TMEM43: variants seen among roughly 807,000 people sequenced by gnomAD.
TMEM43 encodes the protein arrhythmogenic right ventricular dysplasia 5.
Under a neutral mutation model 49.6 loss-of-function variants are expected in TMEM43, and 45 were observed. The observed-to-expected ratio is 0.91, with a 90% confidence interval of 0.71 to 1.16. The LOEUF (loss-of-function observed/expected upper bound fraction) is 1.16, where lower values mean the gene tolerates loss of function less well. Among genes scored for constraint, TMEM43 ranks in the 50% most tolerant of loss-of-function variants. The pLI is 0.00. For missense variants in TMEM43, 532 were observed against 516.6 expected, an observed-to-expected ratio of 1.03 and a Z score of -0.29; for synonymous variants, 199 against 207.8, an observed-to-expected ratio of 0.96 and a Z score of 0.36.
At chr3:14,129,140 G>T (rs1695058399) in intron 1 of TMEM43, 4 of 395,778 alleles carry the variant, frequency 1.0e-5, no homozygotes, top group Admixed American at 3.7e-5. Context: ...CCTCTGGTTG[G>T]TGGAGAGGGG....
In TMEM43 at chr3:14,131,704, G is replaced by A. The variant is rs372312945; in HGVS notation, c.392+30G>A. 34 of 1,534,558 alleles carry A rather than the reference G, an allele frequency of 2.2e-5. No individual in the cohort carries two copies. The African/African-American group carries it at 3.3e-4, about 15-fold the overall frequency. The stretch of plus-strand genomic sequence containing the variant: ...GCTGTTGGGGTGAAAACTCTGTTGG[G>A]GTAAAGGAGGAGTGAAGTGTAGGTG... On this transcript the variant is annotated intron_variant, in intron 4 of 11. Transcript: ENST00000306077.
intron 10 of TMEM43, among the ~76,000 whole-genome samples, chr3:14,137,402 C>T (rs1695184031): frequency 6.6e-6 from 1 of 152,180 alleles, no homozygotes; most frequent in Non-Finnish European, 1.5e-5. Flanking sequence ...GGATGGGGCC[C>T]ATGGCTTAGG....
chr3:14,139,101 GC>G (rs1695214715), intron 10 of TMEM43, 78 bp from the exon 11 acceptor site: 3 of 1,026,538 alleles, frequency 2.9e-6, no homozygotes, highest in Non-Finnish European at 3.1e-6. Context: ...AGTTGGTACA[GC>G]CCCCTCAGGA....
intron 1 of TMEM43, 124 bp downstream of exon 1, chr3:14,125,329 C>CGAG: frequency 8.4e-7 from 1 of 1,188,778 alleles, no homozygotes; most frequent in Non-Finnish European, 1.2e-6. Flanking sequence ...CCCGCATCTC[C>CGAG]CTCTGCTCGC....
rs1470843778 is a variant in TMEM43 at position 14,139,306 on chromosome 3, T to C, written c.1000+9T>C. 6.3e-7 allele frequency: 1 copy of C among 1,597,138 alleles called. No individual in the cohort carries two copies. ...GATCCTCTACACCTTGGGTAGGTGT[T>C]GGGGTGGGTCACTGCCCTCCCTCCT... On this transcript the variant is annotated intron_variant, in intron 11 of 11. Coordinates refer to ENST00000306077, the MANE Select transcript of TMEM43 (RefSeq NM_024334.3).
Position 14,125,149 on chromosome 3 carries a change from C to T in TMEM43, c.-45C>T. 2 of 1,608,352 alleles carry T rather than the reference C, an allele frequency of 1.2e-6. No homozygotes were observed. Among genetic ancestry groups the T allele is most frequent in the East Asian group, 2.2e-5 (1 of 44,690 alleles). On this transcript the variant is annotated 5_prime_UTR_variant, in exon 1 of 12. Coordinates refer to ENST00000306077, the MANE Select transcript of TMEM43 (RefSeq NM_024334.3). ...CCACGCTCCAGTCGTCAGCCCACTT[C>T]CTAGCTGAACAGCGCGAGGCGGCGG...
At position 14,126,464 on chromosome 3, in the gene TMEM43, T is replaced by C. The variant is rs143202272; in HGVS notation, c.12+1259T>C. On this transcript the variant is annotated intron_variant, in intron 1 of 11. Coordinates refer to ENST00000306077, the MANE Select transcript of TMEM43 (RefSeq NM_024334.3). ...GGCATGCTGTGACACGGAAATATGCTGAAAAGGGCAGGCTTTGGAGTTAGG... is the reference window on the plus strand; with the variant it reads ...GGCATGCTGTGACACGGAAATATGCCGAAAAGGGCAGGCTTTGGAGTTAGG... Among the ~76,000 whole-genome samples, 1,062 of 152,298 alleles carry C rather than the reference T, an allele frequency of 7.0e-3. 16 individuals carry two copies. The highest frequency in any genetic ancestry group is 0.024 in the African/African-American group (986 of 41,546).
chr3:14,141,511 C>T, intron 11 of TMEM43, 82 bp from the exon 12 acceptor site: 1 of 1,342,770 alleles, frequency 7.4e-7, no homozygotes, highest in Non-Finnish European at 1.1e-6. Context: ...ATGGGCCCAT[C>T]CTCATCTAGG....
At chr3:14,138,079 T>C (rs558983260) in intron 10 of TMEM43, 1 of 152,304 alleles carries the variant, frequency 6.6e-6, no homozygotes, top group African/African-American at 2.4e-5. Flanking sequence ...TTTTTGTTGT[T>C]ACGGACTCTG....
chr3:14,131,453 A>G lies in TMEM43; in HGVS notation c.298-127A>G, dbSNP rs1271228671. 1.9e-5 allele frequency: 15 copies of G among 779,686 alleles called. 1 individual carries two copies. Among genetic ancestry groups the G allele is most frequent in the Non-Finnish European group, 3.3e-5 (15 of 448,752 alleles). 48.3% of individuals were successfully genotyped at this position (779,686 alleles called of 1,614,324 possible). A position where few individuals can be genotyped will look rare whatever the true frequency, so the allele number is the denominator to read the frequency against. On this transcript the variant is annotated intron_variant, in intron 3 of 11. Coordinates refer to ENST00000306077, the MANE Select transcript of TMEM43 (RefSeq NM_024334.3). ...TCGATTCTCCCCTGCAAAGCAGTGT[A>G]GGGCTCTCCACCCTTGTCCCCTTCT...
chr3:14,136,879 C>A (rs1265028286), intron 10 of TMEM43, among the ~76,000 whole-genome samples: 2 of 149,172 alleles, frequency 1.3e-5, no homozygotes, highest in Non-Finnish European at 2.9e-5. Flanking sequence ...AGTTCTGTGC[C>A]TTAAAAGTTA....
chr3:14,142,190 G>T lies in TMEM43; in HGVS notation c.*395G>T. 3.7e-6 allele frequency: 1 copy of T among 268,714 alleles called. No individual in the cohort carries two copies. Among genetic ancestry groups the T allele is most frequent in the Non-Finnish European group, 7.4e-6 (1 of 135,764 alleles). 16.6% of individuals were successfully genotyped at this position (268,714 alleles called of 1,614,324 possible). Reference sequence around the variant, plus strand: ...TTGCCGTGTGCTGCTTCTCATCACTGCACACAAGTGCCATGCTTTGCCACC... The same window carrying T: ...TTGCCGTGTGCTGCTTCTCATCACTTCACACAAGTGCCATGCTTTGCCACC... On this transcript the variant is annotated 3_prime_UTR_variant, in exon 12 of 12. Coordinates refer to ENST00000306077, the MANE Select transcript of TMEM43 (RefSeq NM_024334.3).
intron 7 of TMEM43, among the ~76,000 whole-genome samples, chr3:14,134,034 G>T (rs1351340674): frequency 6.6e-6 from 1 of 152,192 alleles, no homozygotes; most frequent in East Asian, 1.9e-4. Context: ...TGAAATCTGG[G>T]TTGTTCCAGA....
rs201085402 is a variant in TMEM43, at chr3:14,129,430, C to T, written c.31C>T (p.Arg11Trp). 75 of 1,613,688 alleles carry T rather than the reference C, an allele frequency of 4.6e-5. No individual in the cohort carries two copies. In the South Asian group the frequency reaches 6.5e-4, roughly 14 times the overall value. The change falls in exon 2 of 12, where the codon CGG (arginine) becomes TGG (tryptophan). Residue 11 changes from arginine to tryptophan, a missense_variant. Arg to Trp is a moderately radical substitution (Grantham distance 101). Coordinates refer to ENST00000306077, the MANE Select transcript of TMEM43 (RefSeq NM_024334.3). MAANYSSTST[R>W]REHVKVKTSS... ...TCTTCAGTATTCCAGTACCAGTACC[C>T]GGAGAGAACATGTCAAAGTTAAAAC...
chr3:14,132,142 C>A (rs1695104573), intron 4 of TMEM43, among the ~76,000 whole-genome samples: 1 of 152,116 alleles, frequency 6.6e-6, no homozygotes. Flanking sequence ...TGGGTTCAGC[C>A]CCACCTGAAT....
Position 14,135,256 on chromosome 3 carries a change from A to G in TMEM43, c.780+24A>G, listed in dbSNP as rs560985376. 4.3e-5 allele frequency: 69 copies of G among 1,599,520 alleles called. No homozygotes were observed. In the South Asian group the frequency reaches 6.9e-4, roughly 16 times the overall value. On this transcript the variant is annotated intron_variant, in intron 9 of 11. Coordinates refer to ENST00000306077, the MANE Select transcript of TMEM43 (RefSeq NM_024334.3). The stretch of plus-strand genomic sequence containing the variant: ...TGGTAACCTGGCTTCCCAGGGGCAG[A>G]CACTAAGTCAGAGCCTCACGACTTT...
chr3:14,130,621 G>T (rs570006097), intron 2 of TMEM43, among the ~76,000 whole-genome samples: 1 of 152,264 alleles, frequency 6.6e-6, no homozygotes, highest in Non-Finnish European at 1.5e-5. Flanking sequence ...GGGGCAGTAG[G>T]AAGAAGTCTC....
At chr3:14,127,282 C>G (rs1695033788) in intron 1 of TMEM43, among the ~76,000 whole-genome samples, 1 of 152,086 alleles carries the variant, frequency 6.6e-6, no homozygotes, top group African/African-American at 2.4e-5. Flanking sequence ...ATGTCACTGC[C>G]CACCTCACCC....
At position 14,139,252 on chromosome 3, in the gene TMEM43, A is replaced by G; in HGVS notation, c.955A>G (p.Met319Val). Residue 319 changes from methionine (M) to valine (V), a missense_variant, in exon 11 of 12, where the codon ATG becomes GTG. By Grantham distance (21) the Met-to-Val change is conservative (BLOSUM62 1). Transcript: ENST00000306077. The part of the protein sequence containing the change: ...WGLRAAGWMA[M>V]FMGLNLMTRI... ...CCTGCGGGCAGCTGGCTGGATGGCC[A>G]TGTTCATGGGCCTCAACCTTATGAC... is the stretch of plus-strand genomic sequence containing the variant. 1 of 1,614,180 alleles carries G rather than the reference A, an allele frequency of 6.2e-7. No individual in the cohort carries two copies. Among genetic ancestry groups the G allele is most frequent in the Admixed American group, 1.7e-5 (1 of 60,026 alleles).
Sources: allele counts gnomAD v4.1 joint callset (sites outside exome capture counted in the v4.1 genomes callset), GRCh38; gene constraint gnomAD v4.1.1; transcripts MANE v1.5; gene names NCBI Gene and HGNC (gene_info 2026-07-23, HGNC 2026-07-21).